The following PTPRR variants were observed in gnomAD, a reference collection of about 807,000 sequenced individuals.
PTPRR encodes the protein protein tyrosine phosphatase receptor type R, also known as receptor-type tyrosine-protein phosphatase R.
In PTPRR, 38 loss-of-function variants were observed where a neutral mutation model predicts 77.2. That is an observed-to-expected ratio of 0.49 (90% CI 0.38 to 0.65). The LOEUF (loss-of-function observed/expected upper bound fraction) is 0.65, where lower values mean the gene tolerates loss of function less well. PTPRR is among the 30% of genes least tolerant of loss of function. The pLI, the probability that PTPRR is intolerant of heterozygous loss-of-function variation, is 0.00. For missense variants in PTPRR, 744 were observed against 799.2 expected, an observed-to-expected ratio of 0.93 and a Z score of 0.83; for synonymous variants, 299 against 283.1, an observed-to-expected ratio of 1.06 and a Z score of -0.57.
intron 2 of PTPRR, among the ~76,000 whole-genome samples, chr12:70,836,306 G>GT (rs5799004): frequency 0.31 from 43,644 of 140,962 alleles, 6,821 homozygotes; most frequent in East Asian, 0.42. Flanking sequence ...CAAGACATGT[G>GT]TTTTTTTTTT....
At chr12:70,782,383 T>C (rs1304116816) in intron 2 of PTPRR, among the ~76,000 whole-genome samples, 2 of 152,136 alleles carry the variant, frequency 1.3e-5, no homozygotes, top group African/African-American at 4.8e-5. Flanking sequence ...TAAAGACACA[T>C]GCACACGTAT....
chr12:70,716,771 C>T (rs1372659237), intron 6 of PTPRR, among the ~76,000 whole-genome samples: 1 of 152,130 alleles, frequency 6.6e-6, no homozygotes, highest in Non-Finnish European at 1.5e-5. Flanking sequence ...TCACTTGAGC[C>T]CAGGAGTTCA....
At chr12:70,718,840 T>C (rs1053538686) in intron 6 of PTPRR, among the ~76,000 whole-genome samples, 1 of 152,236 alleles carries the variant, frequency 6.6e-6, no homozygotes, top group Admixed American at 6.5e-5. Flanking sequence ...ATTTATACCA[T>C]TTTGCACATG....
chr12:70,713,760 G>A (rs1262692937), intron 6 of PTPRR, among the ~76,000 whole-genome samples: 5 of 151,904 alleles, frequency 3.3e-5, no homozygotes, highest in Non-Finnish European at 7.4e-5. Flanking sequence ...TTTATTTTGC[G>A]TTGTAAAATT....
intron 2 of PTPRR, among the ~76,000 whole-genome samples, chr12:70,768,055 G>C (rs1308803199): frequency 6.6e-6 from 1 of 152,016 alleles, no homozygotes; most frequent in South Asian, 2.1e-4. Context: ...GCCCACAAGA[G>C]AAAGCAGGAA....
At chr12:70,684,949 C>T (rs1887805207) in intron 8 of PTPRR, 166 bp from the exon 9 acceptor site, 4 of 484,638 alleles carry the variant, frequency 8.3e-6, no homozygotes, top group South Asian at 3.4e-5. Flanking sequence ...TATTGAGGGA[C>T]ATTTGGGCCT....
At chr12:70,851,036 G>T (rs186738295) in intron 2 of PTPRR, among the ~76,000 whole-genome samples, 1 of 151,920 alleles carries the variant, frequency 6.6e-6, no homozygotes, top group African/African-American at 2.4e-5. Context: ...TTTAGGTATT[G>T]TTCTAAATAT....
At chr12:70,863,285 A>C (rs17226647) in intron 2 of PTPRR, among the ~76,000 whole-genome samples, 3,923 of 152,254 alleles carry the variant, frequency 0.026, 66 homozygotes, top group Middle Eastern at 0.041. Flanking sequence ...TTATCTCCCT[A>C]ATGCAAGTTG....
chr12:70,703,136 G>C (rs976258810), intron 6 of PTPRR, among the ~76,000 whole-genome samples: 1 of 148,302 alleles, frequency 6.7e-6, no homozygotes, highest in African/African-American at 2.5e-5. Context: ...TTTTTACCTT[G>C]TACATTGCAG....
intron 2 of PTPRR, among the ~76,000 whole-genome samples, chr12:70,813,145 A>T (rs1344775967): frequency 6.6e-6 from 1 of 152,202 alleles, no homozygotes; most frequent in Non-Finnish European, 1.5e-5. Context: ...TAAGCTTTTC[A>T]TCTTTTTGCC....
intron 2 of PTPRR, among the ~76,000 whole-genome samples, chr12:70,872,486 G>A (rs1892975371): frequency 6.6e-6 from 1 of 151,810 alleles, no homozygotes; most frequent in Admixed American, 6.6e-5. Context: ...ATGAGGTCAG[G>A]AGATCGAGAC....
chr12:70,819,580 T>C (rs1420369168), intron 2 of PTPRR, among the ~76,000 whole-genome samples: 1 of 152,222 alleles, frequency 6.6e-6, no homozygotes, highest in African/African-American at 2.4e-5. Flanking sequence ...TAAGTCACTA[T>C]TCTCTCATGG....
intron 2 of PTPRR, among the ~76,000 whole-genome samples, chr12:70,776,694 C>T (rs774652367): frequency 6.6e-6 from 1 of 151,924 alleles, no homozygotes; most frequent in Non-Finnish European, 1.5e-5. Flanking sequence ...GGAGACTCAG[C>T]CTTTTTGCTA....
At chr12:70,693,106 A>T (rs1357125920) in intron 8 of PTPRR, among the ~76,000 whole-genome samples, 1 of 152,210 alleles carries the variant, frequency 6.6e-6, no homozygotes, top group Non-Finnish European at 1.5e-5. Context: ...TTCCATAAAC[A>T]TCCTACACCA....
chr12:70,721,828 G>A (rs761655942), intron 6 of PTPRR, among the ~76,000 whole-genome samples: 10 of 152,122 alleles, frequency 6.6e-5, no homozygotes, highest in African/African-American at 1.9e-4. Context: ...GAAAGGAATC[G>A]TTGGGAGGAT....
intron 8 of PTPRR, among the ~76,000 whole-genome samples, chr12:70,695,009 T>C (rs1434689762): frequency 2.0e-5 from 3 of 152,142 alleles, no homozygotes; most frequent in Non-Finnish European, 4.4e-5. Flanking sequence ...CACTGCAAAA[T>C]AATTTGATAT....
At chr12:70,742,336 T>C (rs80230713) in intron 6 of PTPRR, among the ~76,000 whole-genome samples, 105 of 152,342 alleles carry the variant, frequency 6.9e-4, no homozygotes, top group Non-Finnish European at 1.3e-3. Context: ...TTGCATTTCT[T>C]GTTTTTTTGA....
chr12:70,861,223 G>A (rs1892747562), intron 2 of PTPRR, among the ~76,000 whole-genome samples: 1 of 152,258 alleles, frequency 6.6e-6, no homozygotes, highest in Admixed American at 6.5e-5. Flanking sequence ...TGAGAGGTGG[G>A]ATGCTCACAT....
At chr12:70,801,241 G>A (rs559252624) in intron 2 of PTPRR, among the ~76,000 whole-genome samples, 18 of 152,288 alleles carry the variant, frequency 1.2e-4, no homozygotes, top group African/African-American at 4.1e-4. Context: ...AAAGTCCATT[G>A]TCATGGTTAA....
Sources: allele counts gnomAD v4.1 joint callset (sites outside exome capture counted in the v4.1 genomes callset), GRCh38; gene constraint gnomAD v4.1.1; transcripts MANE v1.5; gene names NCBI Gene and HGNC (gene_info 2026-07-23, HGNC 2026-07-21).